The following SNAP25 variants were observed in gnomAD, a reference collection of about 807,000 sequenced individuals.
SNAP25 encodes the protein synaptosomal-associated protein 25.
A neutral mutation model predicts 28.7 loss-of-function variants in SNAP25; 3 were observed. The ratio of observed to expected loss-of-function variants is 0.10; its 90% CI spans 0.05 to 0.27. The LOEUF is 0.27. SNAP25 is among the 10% of genes least tolerant of loss of function. The pLI is 1.00. For synonymous variants in SNAP25, 61 were observed against 88.1 expected, an observed-to-expected ratio of 0.69 and a Z score of 1.72; for missense variants, 117 against 278.7, an observed-to-expected ratio of 0.42 and a Z score of 4.13.
Position 10,287,570 on chromosome 20 carries a change from A to G in SNAP25, c.163+2798A>G, listed in dbSNP as rs1048052661. On this transcript the variant is annotated intron_variant, in intron 4 of 7. Transcript: ENST00000254976. ...TTTTACACTGTTGGTAGGACTGTAA[A>G]CTAGTTCAACCATTGTGGAAGTCAG... Among the ~76,000 whole-genome samples the G allele has an allele frequency of 1.2e-4, 16 of 131,984 alleles. 1 individual carries two copies. The highest frequency in any genetic ancestry group is 1.0e-3 in the Admixed American group (13 of 12,774). The allele number at this position is 131,984 out of a possible 152,430, so 86.6% of individuals were successfully genotyped here.
chr20:10,226,085 G>A (rs949207281), intron 1 of SNAP25, among the ~76,000 whole-genome samples: 1 of 152,086 alleles, frequency 6.6e-6, no homozygotes, highest in South Asian at 2.1e-4. Flanking sequence ...CAGTTTCAAA[G>A]AATAATAACT....
intron 1 of SNAP25, chr20:10,219,645 G>A (rs935237231): frequency 1.3e-5 from 2 of 152,220 alleles, no homozygotes; most frequent in Non-Finnish European, 2.9e-5. Context: ...TAGCAACACC[G>A]AGGGCTCGCG....
intron 3 of SNAP25, among the ~76,000 whole-genome samples, chr20:10,282,269 T>C (rs2063795206): frequency 1.3e-5 from 2 of 151,978 alleles, no homozygotes; most frequent in South Asian, 4.1e-4. Flanking sequence ...TGTGAGTGAT[T>C]AACCAACCAC....
intron 6 of SNAP25, among the ~76,000 whole-genome samples, chr20:10,297,770 G>C (rs189895284): frequency 9.8e-5 from 15 of 152,322 alleles, no homozygotes; most frequent in Admixed American, 5.9e-4. Flanking sequence ...ATTAGCCAAA[G>C]CCTACTGAAA....
intron 1 of SNAP25, among the ~76,000 whole-genome samples, chr20:10,233,589 T>C (rs2062864466): frequency 6.6e-6 from 1 of 152,170 alleles, no homozygotes; most frequent in Admixed American, 6.5e-5. Context: ...AGGGATGGCA[T>C]CTAATTGGAT....
chr20:10,260,052 T>TA (rs1191511407), intron 1 of SNAP25, among the ~76,000 whole-genome samples: 2 of 152,206 alleles, frequency 1.3e-5, no homozygotes, highest in Non-Finnish European at 2.9e-5. Flanking sequence ...CTGAGTCCTC[T>TA]AACCCAGACT....
intron 1 of SNAP25, among the ~76,000 whole-genome samples, chr20:10,242,612 G>T (rs1397507937): frequency 3.9e-5 from 6 of 152,150 alleles, no homozygotes; most frequent in African/African-American, 1.2e-4. Context: ...GACTAAGAAA[G>T]TGTCCTGCTG....
At chr20:10,235,571 T>A (rs887124001) in intron 1 of SNAP25, among the ~76,000 whole-genome samples, 1 of 152,196 alleles carries the variant, frequency 6.6e-6, no homozygotes, top group Non-Finnish European at 1.5e-5. Context: ...GTCATCCAGG[T>A]CCAGTGAAAC....
chr20:10,302,236 A>C (rs1450462063), intron 7 of SNAP25, among the ~76,000 whole-genome samples: 1 of 152,134 alleles, frequency 6.6e-6, no homozygotes, highest in Non-Finnish European at 1.5e-5. Context: ...CATCTCTAAT[A>C]AGTAAATATA....
chr20:10,241,446 C>T (rs775604207), intron 1 of SNAP25, among the ~76,000 whole-genome samples: 1 of 151,998 alleles, frequency 6.6e-6, no homozygotes, highest in African/African-American at 2.4e-5. Context: ...ACTGAGTAAA[C>T]AGGGGTGAAC....
intron 4 of SNAP25, among the ~76,000 whole-genome samples, chr20:10,289,373 C>G (rs1487524800): frequency 6.6e-6 from 1 of 152,020 alleles, no homozygotes. Flanking sequence ...TGTTTTGATG[C>G]TGAAGATGTG....
At chr20:10,272,946 G>T (rs960223888) in intron 1 of SNAP25, among the ~76,000 whole-genome samples, 1 of 152,168 alleles carries the variant, frequency 6.6e-6, no homozygotes, top group Non-Finnish European at 1.5e-5. Flanking sequence ...GAACCCTAAA[G>T]AGTATGATTT....
chr20:10,302,339 G>A (rs1242015987), intron 7 of SNAP25, among the ~76,000 whole-genome samples: 1 of 152,210 alleles, frequency 6.6e-6, no homozygotes. Context: ...TCTTCTATCA[G>A]TGAGAAAACA....
chr20:10,278,570 G>A (rs1394660811), intron 3 of SNAP25, among the ~76,000 whole-genome samples: 1 of 152,060 alleles, frequency 6.6e-6, no homozygotes, highest in Non-Finnish European at 1.5e-5. Context: ...TTTATTCAGC[G>A]AGATGCTGTT....
intron 1 of SNAP25, among the ~76,000 whole-genome samples, chr20:10,245,538 CTGG>C (rs2063111335): frequency 6.6e-6 from 1 of 152,172 alleles, no homozygotes; most frequent in South Asian, 2.1e-4. Flanking sequence ...TCATTTCAAA[CTGG>C]GGGGTCTAAA....
At chr20:10,299,215 A>G in intron 6 of SNAP25, 53 bp from the exon 7 acceptor site, 1 of 1,592,630 alleles carries the variant, frequency 6.3e-7, no homozygotes, top group Non-Finnish European at 8.6e-7. Flanking sequence ...GGTCCTTGGT[A>G]TTCAATATGT....
At chr20:10,304,030 A>G (rs73077435) in intron 7 of SNAP25, among the ~76,000 whole-genome samples, 5,314 of 152,260 alleles carry the variant, frequency 0.035, 154 homozygotes, top group Non-Finnish European at 0.054. Flanking sequence ...TGCAAGATAA[A>G]CTAATGAGCC....
At chr20:10,243,556 G>A (rs2063072415) in intron 1 of SNAP25, among the ~76,000 whole-genome samples, 1 of 152,134 alleles carries the variant, frequency 6.6e-6, no homozygotes. Context: ...AGCATTGACA[G>A]GGATCCTGTG....
intron 3 of SNAP25, among the ~76,000 whole-genome samples, chr20:10,283,882 G>A (rs2123058353): frequency 6.6e-6 from 1 of 152,286 alleles, no homozygotes; most frequent in Admixed American, 6.5e-5. Context: ...GGATTCTTAA[G>A]TATGAGTGAT....
Sources: allele counts gnomAD v4.1 joint callset (sites outside exome capture counted in the v4.1 genomes callset), GRCh38; gene constraint gnomAD v4.1.1; transcripts MANE v1.5; gene names NCBI Gene and HGNC (gene_info 2026-07-23, HGNC 2026-07-21).